The following SCUBE1 variants were observed in gnomAD, a reference collection of about 807,000 sequenced individuals.
SCUBE1 encodes the protein signal peptide, CUB and EGF-like domain-containing protein 1.
Under a neutral mutation model 124.4 loss-of-function variants are expected in SCUBE1, and 59 were observed. That is an observed-to-expected ratio of 0.47 (90% CI 0.38 to 0.59). SCUBE1 has a LOEUF of 0.59. Among genes scored for constraint, SCUBE1 ranks in the 20% least tolerant of loss-of-function variants. The pLI is 0.00. For missense variants in SCUBE1, 1,150 were observed against 1,371.2 expected (o/e 0.84, Z 2.55); for synonymous variants, 545 against 550.9 (o/e 0.99, Z 0.15).
chr22:43,234,605 C>A lies in SCUBE1; in HGVS notation c.845-2730G>T, dbSNP rs1047495717. 1.3e-5 allele frequency among the ~76,000 whole-genome samples: 2 copies of A among 152,222 alleles called. No individual in the cohort carries two copies. Among genetic ancestry groups the A allele is most frequent in the Non-Finnish European group, 2.9e-5 (2 of 68,028 alleles). On this transcript the variant is annotated intron_variant, in intron 7 of 21. Transcript: ENST00000360835. The surrounding 1 kb of genome is among the most constrained non-coding windows in gnomAD (Gnocchi z 4.4). ...GGAGGGAAGCCCCCTCCTCACACTACCTCAGGATATAGTGAAGGGGGTGCT... is the reference window on the plus strand; with the variant it reads ...GGAGGGAAGCCCCCTCCTCACACTAACTCAGGATATAGTGAAGGGGGTGCT...
intron 4 of SCUBE1, 74 bp from the exon 5 acceptor site, chr22:43,262,919 G>T (rs1488511541): frequency 2.0e-6 from 3 of 1,522,696 alleles, no homozygotes; most frequent in Non-Finnish European, 2.7e-6. Context: ...AGGCTGAAAG[G>T]GGATAGCCAA....
rs552328825 is a variant in SCUBE1, at chr22:43,293,241, G to A, written c.350-2061C>T. On this transcript the variant is annotated intron_variant, in intron 3 of 21. Coordinates refer to ENST00000360835, the MANE Select transcript of SCUBE1 (RefSeq NM_173050.5). Reference sequence around the variant, plus strand: ...CAACACAAAGCAAACATCTGTGAGTGTTTATTATGTGTTAGGCGCAGGCCC... The same window carrying A: ...CAACACAAAGCAAACATCTGTGAGTATTTATTATGTGTTAGGCGCAGGCCC... 2.6e-5 allele frequency among the ~76,000 whole-genome samples: 4 copies of A among 152,364 alleles called. No individual in the cohort carries two copies. The East Asian group carries it at 7.7e-4, about 29-fold the overall frequency.
intron 9 of SCUBE1, among the ~76,000 whole-genome samples, chr22:43,228,137 T>C (rs1473094659): frequency 6.6e-6 from 1 of 152,180 alleles, no homozygotes; most frequent in Non-Finnish European, 1.5e-5. Context: ...TGCCTGACCC[T>C]GTCTGATCTT....
intron 8 of SCUBE1, among the ~76,000 whole-genome samples, chr22:43,230,956 G>A (rs751579070): frequency 1.3e-5 from 2 of 152,150 alleles, no homozygotes; most frequent in Non-Finnish European, 2.9e-5. Flanking sequence ...CTGGTACCCC[G>A]TGGGCAAAAA....
intron 1 of SCUBE1, among the ~76,000 whole-genome samples, chr22:43,340,213 C>G (rs865885199): frequency 7.2e-5 from 11 of 151,986 alleles, no homozygotes; most frequent in Middle Eastern, 6.8e-3. Context: ...AGAACCACAC[C>G]CTCAACTGGG....
chr22:43,289,555 T>C (rs1297940185), intron 4 of SCUBE1, among the ~76,000 whole-genome samples: 1 of 152,242 alleles, frequency 6.6e-6, no homozygotes, highest in Non-Finnish European at 1.5e-5. Context: ...TTCCACTTTA[T>C]TATCCTGAGT....
intron 3 of SCUBE1, among the ~76,000 whole-genome samples, chr22:43,302,735 T>A (rs190233928): frequency 1.4e-4 from 22 of 151,726 alleles, no homozygotes; most frequent in Non-Finnish European, 3.1e-4. Context: ...GGCACTGGAG[T>A]TTTTAAAAAT....
intron 16 of SCUBE1, 43 bp downstream of exon 16, chr22:43,214,047 G>GGGCCCCCCCC: frequency 1.4e-5 from 2 of 143,436 alleles, no homozygotes; most frequent in Non-Finnish European, 2.6e-5. Flanking sequence ...AGGAGCCCCC[G>GGGCCCCCCCC]CCCACCCCCC....
At chr22:43,283,017 C>G (rs1924986770) in intron 4 of SCUBE1, 1 of 152,400 alleles carries the variant, frequency 6.6e-6, no homozygotes, top group Non-Finnish European at 1.5e-5. Context: ...TCTCCAACCC[C>G]TTTCCATATC....
intron 5 of SCUBE1, among the ~76,000 whole-genome samples, chr22:43,260,247 T>G (rs2146709277): frequency 6.6e-6 from 1 of 152,298 alleles, no homozygotes; most frequent in African/African-American, 2.4e-5. Flanking sequence ...GGATCCAGGC[T>G]CAGGGACCCT....
rs756168161 is a variant in SCUBE1, at chr22:43,227,409, C to A, written c.1172G>T (p.Gly391Val). Residue 391 changes from glycine to valine, a missense_variant, in exon 10 of 22, where the codon GGG becomes GTG. Around this residue, in one of 3 missense-constraint regions of SCUBE1, gnomAD observed 757 missense variants for 840.9 expected, o/e 0.90. Transcript: ENST00000360835. ...KGSYECVCPP[G>V]RRLHWNGKDC... The stretch of plus-strand genomic sequence containing the variant: ...CTTCCCGTTCCAGTGGAGCCGCCTC[C>A]CCGGGGGACAGACGCACTCGTAGCT... 1 of 1,612,578 alleles carries A rather than the reference C, an allele frequency of 6.2e-7. No homozygotes were observed. Among genetic ancestry groups the A allele is most frequent in the South Asian group, 1.1e-5 (1 of 90,990 alleles).
At chr22:43,294,663 G>A (rs958934798) in intron 3 of SCUBE1, among the ~76,000 whole-genome samples, 5 of 152,228 alleles carry the variant, frequency 3.3e-5, no homozygotes, top group African/African-American at 9.6e-5. Context: ...TCCCTGGGAA[G>A]TGCTCCCAGA....
At chr22:43,262,957 A>G in intron 4 of SCUBE1, 112 bp from the exon 5 acceptor site, 2 of 1,183,368 alleles carry the variant, frequency 1.7e-6, no homozygotes, top group South Asian at 1.4e-5. Flanking sequence ...ATGGGCTGTC[A>G]TTGCATGTAT....
intron 6 of SCUBE1, among the ~76,000 whole-genome samples, chr22:43,253,805 C>A (rs1008699577): frequency 1.3e-5 from 2 of 152,234 alleles, no homozygotes; most frequent in African/African-American, 2.4e-5. Context: ...TCGCGGGGTA[C>A]CTAAGGGGCC....
In SCUBE1 at chr22:43,222,713, C is replaced by T. The variant is rs1391474159; in HGVS notation, c.1357G>A (p.Gly453Arg). The T allele has an allele frequency of 1.0e-5, 16 of 1,605,694 alleles. No homozygotes were observed. The highest frequency in any genetic ancestry group is 2.7e-5 in the African/African-American group (2 of 74,800). Residue 453 changes from glycine (G) to arginine (R), a missense_variant, in exon 12 of 22, where the codon GGA becomes AGA. By Grantham distance (125) the Gly-to-Arg change is moderately radical. Transcript: ENST00000360835. ...DSENSYVLSC[G>R]VPGPQGKALQ... ...GCCTTGCCCTGCGGCCCTGGAACTC[C>T]GCAGCTCAGGACGTAGCTATTTTCC... is the stretch of plus-strand genomic sequence containing the variant.
rs1424121314 is a variant in SCUBE1, at chr22:43,264,513, T to A, written c.485-1668A>T. On this transcript the variant is annotated intron_variant, in intron 4 of 21. Coordinates refer to ENST00000360835, the MANE Select transcript of SCUBE1 (RefSeq NM_173050.5). ...CGGTAGAGAAACCTTCCCAGGCTACTGAGACATATTCAGTCCCTCATCAGG... is the reference window on the plus strand; with the variant it reads ...CGGTAGAGAAACCTTCCCAGGCTACAGAGACATATTCAGTCCCTCATCAGG... Among the ~76,000 whole-genome samples, 6 of 152,156 alleles carry A rather than the reference T, an allele frequency of 3.9e-5. No homozygotes were observed. The East Asian group carries it at 1.2e-3, about 29-fold the overall frequency.
intron 6 of SCUBE1, among the ~76,000 whole-genome samples, chr22:43,244,276 A>T (rs886075983): frequency 6.6e-6 from 1 of 152,136 alleles, no homozygotes; most frequent in African/African-American, 2.4e-5. Flanking sequence ...TGCCTCCCCG[A>T]AAGCTGTCCC....
In SCUBE1 at chr22:43,214,386, CT is replaced by C. The variant is rs570193549; in HGVS notation, c.1892-136del. 3.1e-3 allele frequency: 2,341 copies of C among 760,368 alleles called. 15 individuals carry two copies. Among genetic ancestry groups the C allele is most frequent in the Non-Finnish European group, 3.1e-3 (1,535 of 492,144 alleles). The allele number at this position is 760,368 out of a possible 1,614,324, so 47.1% of individuals were successfully genotyped here. A position where few individuals can be genotyped will look rare whatever the true frequency, so the allele number is the denominator to read the frequency against. On this transcript the variant is annotated intron_variant, in intron 15 of 21. Coordinates refer to ENST00000360835, the MANE Select transcript of SCUBE1 (RefSeq NM_173050.5). ...GGGCCCCAAGGACACAGAGGGGCCC[CT>C]GACCTATCCCAGAAGAGCCTGGGGC...
chr22:43,231,679 C>A, intron 8 of SCUBE1, 74 bp downstream of exon 8: 1 of 1,512,084 alleles, frequency 6.6e-7, no homozygotes, highest in Non-Finnish European at 8.9e-7. Flanking sequence ...CCTAGGAGCC[C>A]GTGTCAGCCC....
Sources: gnomAD v4.1 joint callset for allele counts (sites outside exome capture counted in the v4.1 genomes callset) on GRCh38, gnomAD v4.1.1 for gene constraint, gnomAD v4.1.1 regional missense constraint, Gnocchi (gnomAD v3.1) non-coding constraint, MANE v1.5 for transcripts, NCBI Gene and HGNC (gene_info 2026-07-23, HGNC 2026-07-21) for gene names.